The following ALOXE3 variants were observed in gnomAD, a reference collection of about 807,000 sequenced individuals.
The protein encoded by ALOXE3 is arachidonate epidermal lipoxygenase 3, also known as hydroperoxide isomerase ALOXE3.
Under a neutral mutation model 87.5 loss-of-function variants are expected in ALOXE3, and 78 were observed. That is an observed-to-expected ratio of 0.89 (90% CI 0.74 to 1.08). The LOEUF is 1.08. Among genes scored for constraint, ALOXE3 ranks in the 50% least tolerant of loss-of-function variants. The pLI, the probability that ALOXE3 is intolerant of heterozygous loss-of-function variation, is 0.00. For synonymous variants in ALOXE3, 363 were observed against 370.8 expected (o/e 0.98, Z 0.24); for missense variants, 946 against 912.4 (o/e 1.04, Z -0.47).
In ALOXE3 at chr17:8,114,920, C is replaced by A. The variant is rs747160561; in HGVS notation, c.554+18G>T. On this transcript the variant is annotated intron_variant, in intron 5 of 15. Coordinates refer to ENST00000448843, the MANE Select transcript of ALOXE3 (RefSeq NM_021628.3). The stretch of plus-strand genomic sequence containing the variant: ...CACTTGACTTCCTTTCCCCTCCTTC[C>A]CAAGCTTTAATCTTCACCTGTCACC... 5.1e-5 allele frequency: 83 copies of A among 1,613,968 alleles called. No homozygotes were observed. The highest frequency in any genetic ancestry group is 6.9e-5 in the Non-Finnish European group (81 of 1,180,018).
chr17:8,111,249 G>A (rs1475217812), intron 8 of ALOXE3, 110 bp downstream of exon 8: 3 of 1,367,552 alleles, frequency 2.2e-6, no homozygotes, highest in African/African-American at 2.9e-5. Context: ...GAGGCCCACA[G>A]GTGAAATGCA....
intron 5 of ALOXE3, 117 bp from the exon 6 acceptor site, chr17:8,114,726 C>T (rs184096050): frequency 6.0e-6 from 9 of 1,504,716 alleles, no homozygotes; most frequent in Non-Finnish European, 8.2e-6. Flanking sequence ...ACTCCCGGCT[C>T]CTCCCCTGCC....
chr17:8,118,462 C>T, intron 1 of ALOXE3, 24 bp downstream of exon 1: 1 of 1,549,732 alleles, frequency 6.5e-7, no homozygotes, highest in South Asian at 1.2e-5. Flanking sequence ...TCCCCATTCC[C>T]AGGCAGAGAT....
At chr17:8,099,393 G>A (rs1978778947) in intron 15 of ALOXE3, among the ~76,000 whole-genome samples, 1 of 152,098 alleles carries the variant, frequency 6.6e-6, no homozygotes, top group East Asian at 1.9e-4. Context: ...CGGGCGCGGA[G>A]GCTCACGCCT....
In ALOXE3 at chr17:8,103,499, G is replaced by A; in HGVS notation, c.1786-6C>T. ...ATCCAGGCCCCAAAGTCATGCTGTG[G>A]AGACCCCCATCCCAGTTGGGTCAGT... On this transcript the variant is annotated splice_polypyrimidine_tract_variant and splice_region_variant and intron_variant, in intron 14 of 15. Coordinates refer to ENST00000448843, the MANE Select transcript of ALOXE3 (RefSeq NM_021628.3). The A allele has an allele frequency of 6.2e-7, 1 of 1,613,896 alleles. No individual in the cohort carries two copies. The highest frequency in any genetic ancestry group is 8.5e-7 in the Non-Finnish European group (1 of 1,179,970).
At chr17:8,113,151 G>T (rs1419710283) in intron 6 of ALOXE3, among the ~76,000 whole-genome samples, 2 of 152,138 alleles carry the variant, frequency 1.3e-5, no homozygotes, top group Non-Finnish European at 2.9e-5. Context: ...ATGGAGCATT[G>T]CCTGAACTCC....
intron 4 of ALOXE3, among the ~76,000 whole-genome samples, 175 bp downstream of exon 4, chr17:8,115,432 T>C (rs1254372424): frequency 6.6e-6 from 1 of 152,150 alleles, no homozygotes; most frequent in Admixed American, 6.5e-5. Flanking sequence ...ACTGTTACTA[T>C]TGGTGTTCTC....
At position 8,104,113 on chromosome 17, in the gene ALOXE3, A is replaced by C; in HGVS notation, c.1785+2T>G. 3 of 1,613,072 alleles carry C rather than the reference A, an allele frequency of 1.9e-6. No homozygotes were observed. Among genetic ancestry groups the C allele is most frequent in the Non-Finnish European group, 2.5e-6 (3 of 1,179,550 alleles). On this transcript the variant is annotated splice_donor_variant, in intron 14 of 15. Transcript: ENST00000448843. LOFTEE classifies it high-confidence loss of function. ...CCCCAGGCCTGCCCTTTGTAGCCTC[A>C]CCTGCCCACTGTTGACAGCAGCGTG...
At chr17:8,099,154 G>A (rs78608027) in intron 15 of ALOXE3, among the ~76,000 whole-genome samples, 11,617 of 150,144 alleles carry the variant, frequency 0.077, 597 homozygotes, top group Middle Eastern at 0.16. Flanking sequence ...CACTGCACCC[G>A]GCCTTATAAT....
chr17:8,102,468 G>C (rs1323721244), intron 15 of ALOXE3, among the ~76,000 whole-genome samples: 1 of 152,136 alleles, frequency 6.6e-6, no homozygotes, highest in African/African-American at 2.4e-5. Context: ...ACTCCAGCCT[G>C]GGTGACAGAG....
upstream of ALOXE3, chr17:8,118,857 A>T: frequency 6.5e-7 from 1 of 1,530,522 alleles, no homozygotes; most frequent in South Asian, 1.2e-5. Flanking sequence ...GCCACTAGGG[A>T]CTGGGGAGGA....
chr17:8,114,368 G>A, intron 6 of ALOXE3, 116 bp downstream of exon 6: 1 of 1,420,274 alleles, frequency 7.0e-7, no homozygotes, highest in Non-Finnish European at 9.9e-7. Flanking sequence ...AGAGAGGAGG[G>A]ACTGGGGCAG....
chr17:8,115,855 C>G (rs1356361548), intron 3 of ALOXE3, among the ~76,000 whole-genome samples, 167 bp from the exon 4 acceptor site: 1 of 152,258 alleles, frequency 6.6e-6, no homozygotes, highest in African/African-American at 2.4e-5. Context: ...AGAAGGGATT[C>G]AAGACAGCTT....
In ALOXE3 at chr17:8,116,985, G is replaced by A. The variant is rs1980656007; in HGVS notation, c.148-5C>T. ...ACGCACCTTGTACTTCTGTACCTGAGGGGACCAAGACAGCAAGCAGGTGAG... is the reference window on the plus strand; with the variant it reads ...ACGCACCTTGTACTTCTGTACCTGAAGGGACCAAGACAGCAAGCAGGTGAG... On this transcript the variant is annotated splice_region_variant and splice_polypyrimidine_tract_variant and intron_variant, in intron 2 of 15. Transcript: ENST00000448843. The A allele has an allele frequency of 1.2e-6, 2 of 1,612,862 alleles. No individual in the cohort carries two copies. The highest frequency in any genetic ancestry group is 1.7e-5 in the Admixed American group (1 of 59,750).
At position 8,112,118 on chromosome 17, in the gene ALOXE3, G is replaced by A; in HGVS notation, c.759C>T (p.Phe253=). Reference sequence around the variant, plus strand: ...TTGTCGTGAAGGTCTTATGGCACCAGAAGATGTTCTGCATGTCATCCAGCT... The same window carrying A: ...TTGTCGTGAAGGTCTTATGGCACCAAAAGATGTTCTGCATGTCATCCAGCT... ...WKKLDDMQNI[F]WCHKTFTTKY... Residue 253 remains phenylalanine (F), a synonymous_variant, in exon 7 of 16, where the codon TTC becomes TTT. Coordinates refer to ENST00000448843, the MANE Select transcript of ALOXE3 (RefSeq NM_021628.3). The A allele has an allele frequency of 6.2e-7, 1 of 1,614,170 alleles. No individual in the cohort carries two copies. Among genetic ancestry groups the A allele is most frequent in the South Asian group, 1.1e-5 (1 of 91,080 alleles).
rs1489888537 is a variant in ALOXE3 at position 8,110,407 on chromosome 17, G to GC, written c.1078dup (p.Ala360GlyfsTer16). 1 of 1,608,864 alleles carries GC rather than the reference G, an allele frequency of 6.2e-7. No individual in the cohort carries two copies. The highest frequency in any genetic ancestry group is 1.1e-5 in the South Asian group (1 of 90,670). ...CACCTGGATGGCCAAGGGCACCAGC[G>GC]CCCCCTGGGGGCTGAGCCACAGCAG... On this transcript the variant is annotated frameshift_variant, in exon 9 of 16. Coordinates refer to ENST00000448843, the MANE Select transcript of ALOXE3 (RefSeq NM_021628.3). LOFTEE classifies it high-confidence loss of function.
At chr17:8,118,736 A>G (rs1980835887), upstream of ALOXE3, 1 of 1,537,184 alleles carries the variant, frequency 6.5e-7, no homozygotes, top group African/African-American at 1.4e-5. Context: ...AGGAAAGCGA[A>G]ATACAGCGCC....
At chr17:8,109,433 G>T in intron 11 of ALOXE3, 90 bp from the exon 12 acceptor site, 2 of 1,537,096 alleles carry the variant, frequency 1.3e-6, no homozygotes. Flanking sequence ...TCGGCCCAAG[G>T]AGGGCCTTCT....
At chr17:8,100,355 A>T (rs768998607) in intron 15 of ALOXE3, among the ~76,000 whole-genome samples, 1 of 152,106 alleles carries the variant, frequency 6.6e-6, no homozygotes, top group Non-Finnish European at 1.5e-5. Context: ...ACACAGGTGC[A>T]CTGAGGCCCC....
Sources: gnomAD v4.1 joint callset for allele counts (sites outside exome capture counted in the v4.1 genomes callset) on GRCh38, gnomAD v4.1.1 for gene constraint, MANE v1.5 for transcripts, NCBI Gene and HGNC (gene_info 2026-07-23, HGNC 2026-07-21) for gene names.